Variants in ENTREP2 observed in about 807,000 individuals in gnomAD.
The protein encoded by ENTREP2 is endosomal transmembrane epsin interactor 2, also known as protein ENTREP2.
chr15:29,356,147 A>G, the ENTREP2 span, among the ~76,000 whole-genome samples: 2 of 148,974 alleles, frequency 1.3e-5, no homozygotes, highest in African/African-American at 5.1e-5. Flanking sequence ...TGTGAGGATG[A>G]GAAGATTTTT....
the ENTREP2 span, among the ~76,000 whole-genome samples, chr15:29,256,693 G>C: frequency 6.6e-6 from 1 of 151,900 alleles, no homozygotes; most frequent in Non-Finnish European, 1.5e-5. Context: ...ATTTTTTCTT[G>C]TTTAAGAATT....
the ENTREP2 span, among the ~76,000 whole-genome samples, chr15:29,499,332 C>T: frequency 1.1e-4 from 16 of 152,144 alleles, no homozygotes; most frequent in Middle Eastern, 3.4e-3. Context: ...TTTGCCATTA[C>T]CATGAGGCTT....
chr15:29,168,434 CGT>C, the ENTREP2 span, among the ~76,000 whole-genome samples: 2 of 152,124 alleles, frequency 1.3e-5, no homozygotes, highest in African/African-American at 4.8e-5. Flanking sequence ...GCACAATCAG[CGT>C]GTGTGTGTAA....
the ENTREP2 span, among the ~76,000 whole-genome samples, chr15:29,309,620 T>C: frequency 0.2 from 30,722 of 151,394 alleles, 5,862 homozygotes; most frequent in African/African-American, 0.51. Context: ...AAAACCCCGT[T>C]TCTACTAAAA....
the ENTREP2 span, among the ~76,000 whole-genome samples, chr15:29,548,941 T>C: frequency 6.6e-6 from 1 of 152,180 alleles, no homozygotes; most frequent in Non-Finnish European, 1.5e-5. Context: ...CTTAACTTAG[T>C]ATGCAAACTA....
the ENTREP2 span, among the ~76,000 whole-genome samples, chr15:29,451,235 C>G: frequency 6.6e-6 from 1 of 152,168 alleles, no homozygotes. Flanking sequence ...CCCGGTCTCC[C>G]TGGTCCTTCG....
the ENTREP2 span, among the ~76,000 whole-genome samples, chr15:29,561,840 G>A: frequency 0.035 from 5,316 of 152,244 alleles, 134 homozygotes; most frequent in Admixed American, 0.058. Context: ...GGTTTGACCA[G>A]AAACAGGATA....
chr15:29,363,684 A>T, the ENTREP2 span, among the ~76,000 whole-genome samples: 1 of 152,222 alleles, frequency 6.6e-6, no homozygotes, highest in African/African-American at 2.4e-5. Flanking sequence ...GTGGAGAAAA[A>T]CAAAAATAAG....
the ENTREP2 span, among the ~76,000 whole-genome samples, chr15:29,342,201 G>T: frequency 6.6e-6 from 1 of 152,220 alleles, no homozygotes; most frequent in Non-Finnish European, 1.5e-5. Context: ...TGAGGGGACG[G>T]ACTGCAGGTA....
chr15:29,451,176 G>T, the ENTREP2 span, among the ~76,000 whole-genome samples: 2 of 152,210 alleles, frequency 1.3e-5, no homozygotes, highest in African/African-American at 2.4e-5. Context: ...TGTTCCCACT[G>T]AGCCTCTGGT....
At chr15:29,555,910 C>T in the ENTREP2 span, among the ~76,000 whole-genome samples, 2 of 152,174 alleles carry the variant, frequency 1.3e-5, no homozygotes, top group Admixed American at 6.5e-5. Context: ...AAAGCTCCCC[C>T]GCACCCACCT....
the ENTREP2 span, among the ~76,000 whole-genome samples, chr15:29,468,408 C>T: frequency 9.2e-4 from 140 of 152,096 alleles, 1 homozygote; most frequent in Middle Eastern, 3.4e-3. Context: ...GTCCAGAGAT[C>T]GAGACCAGCC....
chr15:29,498,444 C>G, the ENTREP2 span, among the ~76,000 whole-genome samples: 1 of 152,032 alleles, frequency 6.6e-6, no homozygotes, highest in East Asian at 1.9e-4. Flanking sequence ...TCCCAATTCC[C>G]TTCCATTAGT....
the ENTREP2 span, among the ~76,000 whole-genome samples, chr15:29,662,365 T>A: frequency 1.3e-3 from 196 of 152,256 alleles, 1 homozygote; most frequent in Middle Eastern, 0.01. Flanking sequence ...AGTTTTGGTT[T>A]TGCTGCAGTC....
the ENTREP2 span, among the ~76,000 whole-genome samples, chr15:29,512,116 AAT>A: frequency 6.6e-6 from 1 of 152,118 alleles, no homozygotes; most frequent in Non-Finnish European, 1.5e-5. Context: ...AAAAAAATGA[AAT>A]GAGCCAACCA....
chr15:29,385,877 A>G, the ENTREP2 span, among the ~76,000 whole-genome samples: 4 of 152,158 alleles, frequency 2.6e-5, no homozygotes, highest in Admixed American at 2.6e-4. Flanking sequence ...CATAGTGGGC[A>G]TGGACACAAG....
the ENTREP2 span, among the ~76,000 whole-genome samples, chr15:29,473,040 G>T: frequency 6.6e-6 from 1 of 152,168 alleles, no homozygotes; most frequent in African/African-American, 2.4e-5. Flanking sequence ...AGGCAGGGTA[G>T]GTTCTTGAGG....
the ENTREP2 span, among the ~76,000 whole-genome samples, chr15:29,633,766 G>A: frequency 4.1e-5 from 6 of 147,922 alleles, no homozygotes; most frequent in Non-Finnish European, 7.4e-5. Flanking sequence ...TTCAACACCA[G>A]CCTGGCCAAA....
the ENTREP2 span, among the ~76,000 whole-genome samples, chr15:29,207,198 A>C: frequency 6.6e-6 from 1 of 152,022 alleles, no homozygotes; most frequent in African/African-American, 2.4e-5. Context: ...AAGCCGGCCC[A>C]TTATTGGGGT....
Sources: allele counts gnomAD v4.1 joint callset (sites outside exome capture counted in the v4.1 genomes callset), GRCh38; gene constraint gnomAD v4.1.1; transcripts MANE v1.5; gene names NCBI Gene and HGNC (gene_info 2026-07-23, HGNC 2026-07-21).